Variants in NLRP7 observed in about 807,000 individuals in gnomAD.
The protein encoded by NLRP7 is NACHT, LRR and PYD domains-containing protein 7.
Under a neutral mutation model 85.5 loss-of-function variants are expected in NLRP7, and 72 were observed. That is an observed-to-expected ratio of 0.84 (90% CI 0.70 to 1.02). NLRP7 has a LOEUF of 1.02. Among genes scored for constraint, NLRP7 ranks in the 50% least tolerant of loss-of-function variants. NLRP7 has a pLI of 0.00. For synonymous variants in NLRP7, 550 were observed against 505.2 expected (o/e 1.09, Z -1.19); for missense variants, 1,243 against 1,219.5 (o/e 1.02, Z -0.29).
chr19:54,945,374 G>A (rs148281823), intron 1 of NLRP7, among the ~76,000 whole-genome samples: 6,708 of 149,186 alleles, frequency 0.045, 503 homozygotes, highest in African/African-American at 0.16. Context: ...GGGTTCAAGC[G>A]ATTCTCCTGC....
chr19:54,959,295 T>C (rs1343177412), intron 1 of NLRP7, among the ~76,000 whole-genome samples: 10 of 139,966 alleles, frequency 7.1e-5, no homozygotes, highest in Non-Finnish European at 8.0e-5. Flanking sequence ...CACGCCACCA[T>C]GCCCGGCTAA....
Position 54,934,046 on chromosome 19 carries a change from C to T in NLRP7, c.2472-307G>A, listed in dbSNP as rs2068788625. ...CCAATCGCCGCCTCCCAGGTTTACA[C>T]CATTCTGCTGACTCAGCCTCCTGAG... On this transcript the variant is annotated intron_variant, in intron 7 of 9. Coordinates refer to ENST00000340844, the Ensembl canonical transcript of NLRP7. This position sits in a 1 kb window ranked among gnomAD's most constrained non-coding sequence, Gnocchi z 6.7. Among the ~76,000 whole-genome samples the T allele has an allele frequency of 6.6e-6, 1 of 152,168 alleles. No homozygotes were observed. Among genetic ancestry groups the T allele is most frequent in the African/African-American group, 2.4e-5 (1 of 41,452 alleles).
At chr19:54,941,735 G>C (rs749068217) in exon 2 of NLRP7, 4 of 1,603,770 alleles carry the variant, frequency 2.5e-6, no homozygotes, top group Non-Finnish European at 3.4e-6. Context: ...TGAGACCTTA[G>C]GTTAAGGCTG....
rs762061105 is a variant in NLRP7 at position 54,935,103 on chromosome 19, G to A, written c.2301-444C>T. ...TGAATTACTGGAGAGATCTAATGTT[G>A]CCTCTGCTTCTTCAAGTATCCCCAT... On this transcript the variant is annotated intron_variant, in intron 6 of 9. Transcript: ENST00000340844. Among the ~76,000 whole-genome samples, 12 of 152,230 alleles carry A rather than the reference G, an allele frequency of 7.9e-5. 1 individual carries two copies. In the Middle Eastern group the frequency reaches 0.01, roughly 129 times the overall value.
At chr19:54,938,789 A>G in intron 4 of NLRP7, 99 bp downstream of exon 4, 1 of 1,322,786 alleles carries the variant, frequency 7.6e-7, no homozygotes, top group South Asian at 1.2e-5. Flanking sequence ...TGAAGCTGGA[A>G]AGAAGTCCAG....
chr19:54,933,877 C>G, intron 7 of NLRP7, 138 bp from the exon 8 acceptor site: 1 of 770,038 alleles, frequency 1.3e-6, no homozygotes. Flanking sequence ...TGGGAGTCAT[C>G]ATGGCCACAA....
At chr19:54,941,381 CA>C (rs55704982) in intron 2 of NLRP7, 53 bp downstream of exon 2, 81,038 of 647,496 alleles carry the variant, frequency 0.13, 2 homozygotes, top group East Asian at 0.16. Flanking sequence ...GACTCCATCT[CA>C]AAAAAAAAAA....
intron 8 of NLRP7, among the ~76,000 whole-genome samples, chr19:54,931,017 C>T (rs986847899): frequency 4.6e-5 from 7 of 151,934 alleles, no homozygotes; most frequent in Admixed American, 1.3e-4. Flanking sequence ...AGCGAGACTC[C>T]GTCTCAAGAA....
At chr19:54,951,894 G>A (rs2069681263), upstream of NLRP7, among the ~76,000 whole-genome samples, 2 of 152,046 alleles carry the variant, frequency 1.3e-5, no homozygotes, top group South Asian at 4.1e-4. Context: ...GGGACTACAG[G>A]TGCCTGCAAC....
chr19:54,954,403 G>T (rs1000936732), intron 1 of NLRP7, among the ~76,000 whole-genome samples: 2 of 144,874 alleles, frequency 1.4e-5, no homozygotes, highest in East Asian at 3.9e-4. Flanking sequence ...GGTGGCGGGC[G>T]CCTGTAGTCC....
chr19:54,948,002 C>CTT (rs2069549761), upstream of NLRP7, among the ~76,000 whole-genome samples: 1 of 152,174 alleles, frequency 6.6e-6, no homozygotes, highest in East Asian at 1.9e-4. Context: ...GCTGAGAGGC[C>CTT]TAGGCCAGTG....
intron 2 of NLRP7, among the ~76,000 whole-genome samples, 193 bp downstream of exon 2, chr19:54,941,242 C>T (rs550845555): frequency 7.9e-5 from 12 of 151,606 alleles, no homozygotes; most frequent in South Asian, 2.1e-4. Flanking sequence ...TGGTGAAACA[C>T]GCCTGTAATC....
exon 4 of NLRP7, chr19:54,939,712 C>G: frequency 6.2e-7 from 1 of 1,613,592 alleles, no homozygotes; most frequent in South Asian, 1.1e-5. Context: ...GAGTCGTGCA[C>G]ACAATCCAGC....
chr19:54,955,261 A>G (rs8113133), intron 1 of NLRP7, among the ~76,000 whole-genome samples: 4,541 of 148,480 alleles, frequency 0.031, 47 homozygotes, highest in South Asian at 0.052. Context: ...CCCGGGTGGC[A>G]GAGGTTGCAG....
exon 4 of NLRP7, chr19:54,939,731 G>A (rs773800014): frequency 6.2e-7 from 1 of 1,613,556 alleles, no homozygotes; most frequent in Non-Finnish European, 8.5e-7. Flanking sequence ...GCACACCGCG[G>A]GGGCCGAGCC....
At chr19:54,931,583 G>A (rs1162150678) in intron 8 of NLRP7, among the ~76,000 whole-genome samples, 17 of 152,118 alleles carry the variant, frequency 1.1e-4, no homozygotes, top group Non-Finnish European at 1.8e-4. Context: ...AGCTACTCAG[G>A]AGGCTGAGGC....
At chr19:54,964,041 G>A (rs548503018) in intron 1 of NLRP7, among the ~76,000 whole-genome samples, 5 of 148,824 alleles carry the variant, frequency 3.4e-5, no homozygotes, top group East Asian at 2.1e-4. Flanking sequence ...CACCACGCCC[G>A]ACTAATTTTT....
rs2069492351 is a variant in NLRP7, at chr19:54,946,696, G to C, written c.-40+773C>G. ...ACTCTGTCTCCCAGGCTGGAGTGCA[G>C]TGGCGCGATCTCAGCTCATTGCAAC... On this transcript the variant is annotated intron_variant, in intron 1 of 9. Transcript: ENST00000340844. 2.0e-5 allele frequency among the ~76,000 whole-genome samples: 3 copies of C among 151,982 alleles called. No homozygotes were observed. The South Asian group carries it at 6.2e-4, about 32-fold the overall frequency.
chr19:54,933,363 T>A (rs899094499), intron 8 of NLRP7, among the ~76,000 whole-genome samples: 5 of 152,140 alleles, frequency 3.3e-5, no homozygotes, highest in African/African-American at 1.2e-4. Context: ...ACCAGGATGG[T>A]CTCCATCTCC....
Sources: allele counts gnomAD v4.1 joint callset (sites outside exome capture counted in the v4.1 genomes callset), GRCh38; gene constraint gnomAD v4.1.1; non-coding constraint Gnocchi (gnomAD v3.1); transcripts MANE v1.5; gene names NCBI Gene and HGNC (gene_info 2026-07-23, HGNC 2026-07-21).